ATP2B4: variants seen among roughly 807,000 people sequenced by gnomAD.
ATP2B4 encodes the protein ATPase plasma membrane Ca2+ transporting 4.
In ATP2B4, 39 loss-of-function variants were observed where a neutral mutation model predicts 110.3. That is an observed-to-expected ratio of 0.35 (90% CI 0.27 to 0.46). The LOEUF (loss-of-function observed/expected upper bound fraction) is 0.46. Among genes scored for constraint, ATP2B4 ranks in the 20% least tolerant of loss-of-function variants. The probability of loss-of-function intolerance (pLI) is 1.00; values close to 1 mark genes in which losing one functional copy is unlikely to be tolerated. For synonymous variants in ATP2B4, 538 were observed against 571.7 expected (o/e 0.94, Z 0.84); for missense variants, 1,135 against 1,530.9 (o/e 0.74, Z 4.32).
chr1:203,706,950 G>A (rs1272754728), intron 8 of ATP2B4, 59 bp from the exon 9 acceptor site: 2 of 1,449,010 alleles, frequency 1.4e-6, no homozygotes, highest in Non-Finnish European at 1.9e-6. Flanking sequence ...ATCTATCTCT[G>A]GCTAGGGCCC....
chr1:203,726,213 G>A (rs1030504004), intron 19 of ATP2B4, among the ~76,000 whole-genome samples: 4 of 151,972 alleles, frequency 2.6e-5, no homozygotes, highest in African/African-American at 4.8e-5. Flanking sequence ...CAGCCTGGAT[G>A]ACAAGAGTGA....
At chr1:203,644,708 A>T (rs548777975) in intron 1 of ATP2B4, among the ~76,000 whole-genome samples, 6 of 152,292 alleles carry the variant, frequency 3.9e-5, no homozygotes, top group African/African-American at 1.4e-4. Context: ...GCTGGGCTTC[A>T]GTGACAGAGA....
intron 1 of ATP2B4, among the ~76,000 whole-genome samples, chr1:203,676,090 C>T (rs1464007923): frequency 2.0e-5 from 3 of 152,128 alleles, no homozygotes; most frequent in Non-Finnish European, 2.9e-5. Flanking sequence ...TTGGTGTGCC[C>T]GCCCTCACCT....
chr1:203,657,115 C>T (rs1344748679), intron 1 of ATP2B4: 2 of 825,902 alleles, frequency 2.4e-6, no homozygotes, highest in Admixed American at 3.7e-5. Flanking sequence ...GGTAATAACA[C>T]CCACAGTTGT....
chr1:203,720,777 G>A (rs768086021), intron 16 of ATP2B4, 37 bp downstream of exon 16: 1 of 1,586,144 alleles, frequency 6.3e-7, no homozygotes, highest in Non-Finnish European at 8.6e-7. Context: ...CGGGAGGGAT[G>A]AGTCAGGGGC....
chr1:203,726,080 A>G (rs999440966), intron 19 of ATP2B4, among the ~76,000 whole-genome samples: 81 of 150,408 alleles, frequency 5.4e-4, no homozygotes, highest in African/African-American at 2.0e-3. Flanking sequence ...ACAAAAAAAA[A>G]AAAAAAAAAT....
chr1:203,743,366 C>A lies in ATP2B4; in HGVS notation c.*3512C>A, dbSNP rs1571789659. The A allele has an allele frequency of 6.6e-6, 1 of 152,616 alleles. No homozygotes were observed. The highest frequency in any genetic ancestry group is 2.1e-4 in the South Asian group (1 of 4,824). 9.5% of individuals were successfully genotyped at this position (152,616 alleles called of 1,614,324 possible). A position where few individuals can be genotyped will look rare whatever the true frequency, so the allele number is the denominator to read the frequency against. ...GGTGAGGGTGGGCACTTATAAATGC[C>A]TGCTATTGTTAAGCCATTCCAGCCT... is the stretch of plus-strand genomic sequence containing the variant. On this transcript the variant is annotated 3_prime_UTR_variant, in exon 21 of 21. Transcript: ENST00000357681.
chr1:203,692,065 A>G (rs1571728481), intron 2 of ATP2B4, among the ~76,000 whole-genome samples: 1 of 151,598 alleles, frequency 6.6e-6, no homozygotes. Context: ...TATTTTTAGT[A>G]GAGACGGGGT....
At chr1:203,655,664 TAAATA>T (rs1330345615) in intron 1 of ATP2B4, among the ~76,000 whole-genome samples, 2 of 151,222 alleles carry the variant, frequency 1.3e-5, no homozygotes, top group Admixed American at 6.6e-5. Flanking sequence ...ATAATAATAA[TAAATA>T]AAATAAGAAA....
chr1:203,676,716 G>A (rs575227225), intron 1 of ATP2B4, among the ~76,000 whole-genome samples: 12 of 151,992 alleles, frequency 7.9e-5, no homozygotes, highest in Middle Eastern at 3.4e-3. Context: ...CTGAGTGGAG[G>A]AAGCCCTCAT....
intron 2 of ATP2B4, among the ~76,000 whole-genome samples, chr1:203,688,539 CG>C (rs1665272614): frequency 6.6e-6 from 1 of 151,698 alleles, no homozygotes; most frequent in Non-Finnish European, 1.5e-5. Flanking sequence ...TGGCCTCAAG[CG>C]ATCTGCCCAC....
intron 2 of ATP2B4, among the ~76,000 whole-genome samples, chr1:203,691,579 G>A: frequency 6.6e-6 from 1 of 152,196 alleles, no homozygotes; most frequent in East Asian, 1.9e-4. Context: ...ACCTTGGGAA[G>A]GGTTTTGCTG....
intron 20 of ATP2B4, among the ~76,000 whole-genome samples, chr1:203,735,850 T>G (rs1215155812): frequency 6.6e-6 from 1 of 152,186 alleles, no homozygotes; most frequent in Non-Finnish European, 1.5e-5. Flanking sequence ...AGGGTTAGTG[T>G]CAGATATCCT....
intron 1 of ATP2B4, among the ~76,000 whole-genome samples, chr1:203,662,924 G>A (rs114548287): frequency 7.2e-5 from 11 of 152,216 alleles, no homozygotes; most frequent in Non-Finnish European, 1.2e-4. Context: ...TACTTAATGC[G>A]CATGACATCA....
intron 2 of ATP2B4, among the ~76,000 whole-genome samples, chr1:203,685,957 G>A (rs780173221): frequency 1.3e-4 from 19 of 151,418 alleles, no homozygotes; most frequent in Non-Finnish European, 2.8e-4. Context: ...AGGTTACTGT[G>A]TGTGTAACTG....
At chr1:203,683,695 A>G (rs533765684) in intron 2 of ATP2B4, among the ~76,000 whole-genome samples, 1 of 102,764 alleles carries the variant, frequency 9.7e-6, no homozygotes, top group Non-Finnish European at 1.8e-5. Context: ...TTTTGGTGAG[A>G]CAGGGTCCTG....
chr1:203,642,705 C>G (rs1350881581), intron 1 of ATP2B4, among the ~76,000 whole-genome samples: 1 of 152,174 alleles, frequency 6.6e-6, no homozygotes, highest in Non-Finnish European at 1.5e-5. Flanking sequence ...CCTAAATCAC[C>G]TAGTTGGCCT....
chr1:203,739,006 C>T (rs938287013), intron 20 of ATP2B4, among the ~76,000 whole-genome samples: 1 of 152,168 alleles, frequency 6.6e-6, no homozygotes, highest in Non-Finnish European at 1.5e-5. Context: ...CATGGTCACT[C>T]GTCACCCAAC....
At chr1:203,722,010 G>A (rs1346883932) in intron 17 of ATP2B4, among the ~76,000 whole-genome samples, 1 of 152,010 alleles carries the variant, frequency 6.6e-6, no homozygotes, top group African/African-American at 2.4e-5. Context: ...CCCATAATGA[G>A]TACATAGTTG....
Sources: gnomAD v4.1 joint callset for allele counts (sites outside exome capture counted in the v4.1 genomes callset) on GRCh38, gnomAD v4.1.1 for gene constraint, MANE v1.5 for transcripts, NCBI Gene and HGNC (gene_info 2026-07-23, HGNC 2026-07-21) for gene names.